Variants in ANKDD1B observed in about 807,000 individuals in gnomAD.
ANKDD1B encodes the protein ankyrin repeat and death domain-containing protein 1B.
ANKDD1B carries 57 observed loss-of-function variants against 59.7 expected under a neutral mutation model. The ratio of observed to expected loss-of-function variants is 0.95; its 90% CI spans 0.77 to 1.19. The LOEUF is 1.19. Among genes scored for constraint, ANKDD1B ranks in the 50% most tolerant of loss-of-function variants. The pLI is 0.00. For missense variants in ANKDD1B, 602 were observed against 641.9 expected (o/e 0.94, Z 0.67); for synonymous variants, 216 against 239.5 (o/e 0.90, Z 0.91).
At chr5:75,665,027 A>G (rs1191612469) in intron 11 of ANKDD1B, among the ~76,000 whole-genome samples, 1 of 152,252 alleles carries the variant, frequency 6.6e-6, no homozygotes, top group Non-Finnish European at 1.5e-5. Context: ...GATATGATTT[A>G]AATTTCCTCT....
intron 5 of ANKDD1B, 133 bp from the exon 6 acceptor site, chr5:75,634,765 A>T: frequency 6.7e-6 from 4 of 597,370 alleles, no homozygotes; most frequent in Non-Finnish European, 8.9e-6. Flanking sequence ...AGTCAGAGAT[A>T]GCATCATCTT....
intron 7 of ANKDD1B, among the ~76,000 whole-genome samples, chr5:75,649,396 A>G (rs1014211448): frequency 2.6e-5 from 4 of 152,202 alleles, no homozygotes; most frequent in Admixed American, 1.3e-4. Context: ...ACATTTAACA[A>G]TCAATGAAGT....
intron 7 of ANKDD1B, among the ~76,000 whole-genome samples, chr5:75,650,411 G>T (rs1457254940): frequency 6.6e-6 from 1 of 152,194 alleles, no homozygotes; most frequent in South Asian, 2.1e-4. Flanking sequence ...TCTAAGACCT[G>T]TAAGAGACAA....
intron 7 of ANKDD1B, among the ~76,000 whole-genome samples, chr5:75,640,893 C>G (rs1158685739): frequency 6.6e-6 from 1 of 152,130 alleles, no homozygotes; most frequent in Non-Finnish European, 1.5e-5. Context: ...AAAGCAATGC[C>G]ATTCTTTCTA....
Position 75,671,836 on chromosome 5 carries a change from A to C in ANKDD1B, c.*796A>C, listed in dbSNP as rs1561455450. 8.6e-6 allele frequency: 1 copy of C among 116,634 alleles called. No individual in the cohort carries two copies. The highest frequency in any genetic ancestry group is 2.1e-4 in the East Asian group (1 of 4,706). 7.2% of individuals were successfully genotyped at this position (116,634 alleles called of 1,614,324 possible). A position where few individuals can be genotyped will look rare whatever the true frequency, so the allele number is the denominator to read the frequency against. On this transcript the variant is annotated 3_prime_UTR_variant, in exon 14 of 14. Transcript: ENST00000601380. The stretch of plus-strand genomic sequence containing the variant: ...CTAAGAGTTATGAAATAAATGTAAA[A>C]TTGAGTGTCAGTTTATGTGCACCTA...
At chr5:75,665,586 C>A (rs557984901) in intron 11 of ANKDD1B, among the ~76,000 whole-genome samples, 1 of 152,300 alleles carries the variant, frequency 6.6e-6, no homozygotes, top group East Asian at 1.9e-4. Context: ...GAAGACCCTG[C>A]TTTTTACAGT....
At chr5:75,629,186 A>G (rs923269989) in intron 5 of ANKDD1B, among the ~76,000 whole-genome samples, 1 of 152,028 alleles carries the variant, frequency 6.6e-6, no homozygotes, top group Admixed American at 6.6e-5. Context: ...CATCAAATCT[A>G]TTGTTTCCCA....
intron 7 of ANKDD1B, among the ~76,000 whole-genome samples, chr5:75,636,660 G>A (rs1426824911): frequency 6.6e-6 from 1 of 152,176 alleles, no homozygotes; most frequent in Non-Finnish European, 1.5e-5. Flanking sequence ...GAAGTGGGGA[G>A]GACCAGTCAG....
intron 10 of ANKDD1B, among the ~76,000 whole-genome samples, chr5:75,660,237 C>A (rs1775095279): frequency 6.6e-6 from 1 of 152,166 alleles, no homozygotes; most frequent in Admixed American, 6.5e-5. Context: ...TACACTTATT[C>A]AATAACTTGC....
chr5:75,664,336 C>G (rs1229659544), intron 11 of ANKDD1B, among the ~76,000 whole-genome samples: 1 of 152,182 alleles, frequency 6.6e-6, no homozygotes. Context: ...GCTTGGTAGT[C>G]TTGATATATA....
chr5:75,655,108 A>G (rs1467568631), intron 8 of ANKDD1B, among the ~76,000 whole-genome samples: 1 of 152,102 alleles, frequency 6.6e-6, no homozygotes, highest in Non-Finnish European at 1.5e-5. Flanking sequence ...TCCACAGGCC[A>G]GTGGCAGCTG....
At chr5:75,632,155 C>T (rs1415095221) in intron 5 of ANKDD1B, among the ~76,000 whole-genome samples, 1 of 150,584 alleles carries the variant, frequency 6.6e-6, no homozygotes, top group Non-Finnish European at 1.5e-5. Context: ...CATTGGTGGA[C>T]ATTGAAGTTG....
chr5:75,625,790 T>A lies in ANKDD1B; in HGVS notation c.495+45T>A, dbSNP rs994120768. 4.6e-6 allele frequency: 7 copies of A among 1,528,068 alleles called. No homozygotes were observed. The African/African-American group carries it at 9.6e-5, about 21-fold the overall frequency. 94.7% of individuals were successfully genotyped at this position (1,528,068 alleles called of 1,614,324 possible). A position where few individuals can be genotyped will look rare whatever the true frequency, so the allele number is the denominator to read the frequency against. On this transcript the variant is annotated intron_variant, in intron 4 of 13. Transcript: ENST00000601380. The stretch of plus-strand genomic sequence containing the variant: ...CTGGACAAAAGCTCTTACCTCACCA[T>A]TGCAGGAGAGAGGAAGTTCTGAGGT...
chr5:75,626,092 G>C, intron 5 of ANKDD1B, 137 bp downstream of exon 5: 1 of 643,186 alleles, frequency 1.6e-6, no homozygotes, highest in Non-Finnish European at 2.7e-6. Context: ...CACCATGGCA[G>C]ACCACAGAAC....
intron 7 of ANKDD1B, among the ~76,000 whole-genome samples, chr5:75,647,836 A>G (rs1774679530): frequency 8.3e-6 from 1 of 120,456 alleles, no homozygotes; most frequent in Non-Finnish European, 1.6e-5. Context: ...ACAATAGCAA[A>G]GACTTGGAAC....
chr5:75,621,660 C>A (rs563701061), intron 3 of ANKDD1B, among the ~76,000 whole-genome samples: 1 of 152,268 alleles, frequency 6.6e-6, no homozygotes, highest in Non-Finnish European at 1.5e-5. Context: ...CCTATGTATC[C>A]ATTGCCCATA....
At chr5:75,653,090 A>T in intron 7 of ANKDD1B, 52 bp from the exon 8 acceptor site, 2 of 1,246,770 alleles carry the variant, frequency 1.6e-6, no homozygotes, top group Admixed American at 4.0e-5. Flanking sequence ...ACCAGAAAAC[A>T]TGCTGAATTA....
chr5:75,645,009 A>G (rs1416164430), intron 7 of ANKDD1B, among the ~76,000 whole-genome samples: 2 of 134,586 alleles, frequency 1.5e-5, no homozygotes, highest in Non-Finnish European at 3.0e-5. Flanking sequence ...TTGGGTACAT[A>G]ATGAAATGAA....
At chr5:75,643,629 C>T in intron 7 of ANKDD1B, among the ~76,000 whole-genome samples, 1 of 45,646 alleles carries the variant, frequency 2.2e-5, no homozygotes. Context: ...GATTGGTGTA[C>T]CTGAAAGTGA....
Sources: gnomAD v4.1 joint callset for allele counts (sites outside exome capture counted in the v4.1 genomes callset) on GRCh38, gnomAD v4.1.1 for gene constraint, MANE v1.5 for transcripts, NCBI Gene and HGNC (gene_info 2026-07-23, HGNC 2026-07-21) for gene names.